CSMD1: variants seen among roughly 807,000 people sequenced by gnomAD.
CSMD1 encodes CUB and sushi domain-containing protein 1.
A neutral mutation model predicts 417.5 loss-of-function variants in CSMD1; 213 were observed. That is an observed-to-expected ratio of 0.51 (90% CI 0.46 to 0.57). CSMD1 has a LOEUF of 0.57. CSMD1 is among the 20% of genes least tolerant of loss of function. CSMD1 has a pLI of 0.00. For synonymous variants in CSMD1, 2,862 were observed against 1,736.8 expected (o/e 1.65, Z -16.11); for missense variants, 6,923 against 4,529.7 (o/e 1.53, Z -15.17).
chr8:3,253,625 G>A (rs1054213235), intron 26 of CSMD1, among the ~76,000 whole-genome samples: 3 of 152,112 alleles, frequency 2.0e-5, no homozygotes, highest in Admixed American at 1.3e-4. Context: ...AGTTGAGAGT[G>A]GGTTGTTAAA....
intron 1 of CSMD1, among the ~76,000 whole-genome samples, chr8:4,784,306 A>T (rs1480073552): frequency 6.6e-6 from 1 of 152,220 alleles, no homozygotes; most frequent in East Asian, 1.9e-4. Flanking sequence ...TTGGCTCCCA[A>T]CTCAAATAGA....
intron 6 of CSMD1, among the ~76,000 whole-genome samples, chr8:3,721,951 C>T (rs952451467): frequency 3.3e-5 from 5 of 152,112 alleles, no homozygotes; most frequent in Admixed American, 6.5e-5. Flanking sequence ...CACCCAAGGC[C>T]GTCCTCATCC....
chr8:3,453,600 G>C (rs1430516215), intron 12 of CSMD1, among the ~76,000 whole-genome samples: 2 of 152,190 alleles, frequency 1.3e-5, no homozygotes, highest in South Asian at 2.1e-4. Context: ...AGGTTGTTCA[G>C]TTTCCATGTA....
At chr8:3,030,739 C>T (rs574389977) in intron 50 of CSMD1, among the ~76,000 whole-genome samples, 53 of 152,186 alleles carry the variant, frequency 3.5e-4, no homozygotes, top group African/African-American at 1.2e-3. Flanking sequence ...CCCACCTTGG[C>T]CTCCCAAAGT....
chr8:3,236,710 T>C (rs1254244666), intron 26 of CSMD1, among the ~76,000 whole-genome samples: 87 of 152,210 alleles, frequency 5.7e-4, no homozygotes, highest in Admixed American at 5.7e-3. Flanking sequence ...ATGTGCCACA[T>C]CATACACTTC....
intron 3 of CSMD1, among the ~76,000 whole-genome samples, chr8:4,143,164 G>C (rs116450397): frequency 4.0e-5 from 6 of 151,016 alleles, no homozygotes; most frequent in African/African-American, 7.4e-5. Flanking sequence ...ACTAGCAAAT[G>C]TGAGTGTTCA....
intron 37 of CSMD1, among the ~76,000 whole-genome samples, chr8:3,171,045 T>C (rs1820552267): frequency 1.3e-5 from 2 of 152,184 alleles, no homozygotes; most frequent in African/African-American, 4.8e-5. Flanking sequence ...TGGTGTTGTG[T>C]TGAAAAAAGT....
At position 3,498,128 on chromosome 8, in the gene CSMD1, G is replaced by A. The variant is rs1161534350; in HGVS notation, c.1345-4402C>T. Among the ~76,000 whole-genome samples the A allele has an allele frequency of 2.6e-5, 4 of 152,168 alleles. No homozygotes were observed. The East Asian group carries it at 5.8e-4, about 22-fold the overall frequency. ...TTCAGCATTTTCATTATATCACCCTGTTCTCCCCTAGCCTGTAACGGTTCT... is the reference window on the plus strand; with the variant it reads ...TTCAGCATTTTCATTATATCACCCTATTCTCCCCTAGCCTGTAACGGTTCT... On this transcript the variant is annotated intron_variant, in intron 10 of 69. Transcript: ENST00000635120.
chr8:4,846,496 C>G (rs747715675), intron 1 of CSMD1, among the ~76,000 whole-genome samples: 1 of 152,228 alleles, frequency 6.6e-6, no homozygotes, highest in Non-Finnish European at 1.5e-5. Flanking sequence ...AGCCTCCTGA[C>G]AGCAACTCCC....
chr8:3,937,041 C>T (rs998309871), intron 5 of CSMD1, among the ~76,000 whole-genome samples: 5 of 152,122 alleles, frequency 3.3e-5, no homozygotes, highest in Non-Finnish European at 5.9e-5. Context: ...TAACTTCAGA[C>T]ATGTTGAAAA....
chr8:4,667,107 T>G (rs999881601), intron 1 of CSMD1, among the ~76,000 whole-genome samples: 2 of 152,222 alleles, frequency 1.3e-5, no homozygotes, highest in Admixed American at 6.5e-5. Flanking sequence ...GTGAAAAGAC[T>G]ATTTTTTCTC....
At chr8:4,796,602 A>G (rs543188024) in intron 1 of CSMD1, among the ~76,000 whole-genome samples, 1 of 152,136 alleles carries the variant, frequency 6.6e-6, no homozygotes, top group South Asian at 2.1e-4. Flanking sequence ...CTCGGCTCCA[A>G]GACCACTGAT....
At chr8:4,087,667 T>C (rs996986650) in intron 3 of CSMD1, among the ~76,000 whole-genome samples, 5 of 152,186 alleles carry the variant, frequency 3.3e-5, no homozygotes, top group African/African-American at 9.6e-5. Context: ...CATTTTGTGT[T>C]TGCTCATTCT....
At chr8:4,702,133 A>G (rs150889531) in intron 1 of CSMD1, among the ~76,000 whole-genome samples, 20 of 152,316 alleles carry the variant, frequency 1.3e-4, no homozygotes, top group South Asian at 1.2e-3. Flanking sequence ...AAGGTAGAGC[A>G]CTAGGAAAAA....
chr8:3,198,969 C>A (rs996375058), intron 33 of CSMD1, among the ~76,000 whole-genome samples: 8 of 152,142 alleles, frequency 5.3e-5, no homozygotes, highest in Non-Finnish European at 7.4e-5. Context: ...TGAACAAGAT[C>A]ATTTCTTCCA....
At chr8:3,364,394 G>C (rs552095549) in intron 20 of CSMD1, among the ~76,000 whole-genome samples, 1 of 152,080 alleles carries the variant, frequency 6.6e-6, no homozygotes, top group African/African-American at 2.4e-5. Flanking sequence ...TTTTCTACTG[G>C]TTATGTTTAA....
intron 3 of CSMD1, among the ~76,000 whole-genome samples, chr8:4,355,593 T>C (rs1801380804): frequency 6.6e-6 from 1 of 152,178 alleles, no homozygotes. Flanking sequence ...GACCAGAGTG[T>C]TCAGACAGAA....
chr8:3,470,392 C>G (rs551531374), intron 11 of CSMD1, among the ~76,000 whole-genome samples: 1 of 152,182 alleles, frequency 6.6e-6, no homozygotes, highest in South Asian at 2.1e-4. Flanking sequence ...GTAGGTAGTA[C>G]AAAATAATAT....
intron 2 of CSMD1, among the ~76,000 whole-genome samples, chr8:4,441,695 C>G (rs1445823810): frequency 6.6e-6 from 1 of 151,900 alleles, no homozygotes; most frequent in Non-Finnish European, 1.5e-5. Context: ...CTTTCAAATA[C>G]CAATTAAAAC....
Sources: allele counts gnomAD v4.1 joint callset (sites outside exome capture counted in the v4.1 genomes callset), GRCh38; gene constraint gnomAD v4.1.1; transcripts MANE v1.5; gene names NCBI Gene and HGNC (gene_info 2026-07-23, HGNC 2026-07-21).